The following ARHGAP26 variants were observed in gnomAD, a reference collection of about 807,000 sequenced individuals.
ARHGAP26 encodes the protein Rho GTPase activating protein 26.
A neutral mutation model predicts 104.8 loss-of-function variants in ARHGAP26; 38 were observed. That is an observed-to-expected ratio of 0.36 (90% CI 0.28 to 0.48). ARHGAP26 has a LOEUF of 0.48. Among genes scored for constraint, ARHGAP26 ranks in the 20% least tolerant of loss-of-function variants. ARHGAP26 has a pLI of 0.99. For synonymous variants in ARHGAP26, 341 were observed against 340.0 expected (o/e 1.00, Z -0.03); for missense variants, 704 against 947.9 (o/e 0.74, Z 3.38).
At position 143,041,385 on chromosome 5, in the gene ARHGAP26, G is replaced by A. The variant is rs117490166; in HGVS notation, c.1211-431G>A. ...AAATTAAAAACATTCTTACACCTCC[G>A]TATTTTCATTTTTTGTGTAAAAATA... On this transcript the variant is annotated intron_variant, in intron 13 of 22. Transcript: ENST00000645722. The A allele has an allele frequency of 2.0e-3, 343 of 167,614 alleles. 6 individuals are homozygous for A. The East Asian group carries it at 0.043, about 21-fold the overall frequency. 10.4% of individuals were successfully genotyped at this position (167,614 alleles called of 1,614,324 possible).
rs966475831 is a variant in ARHGAP26 at position 142,871,846 on chromosome 5, G to A, written c.155-1554G>A. On this transcript the variant is annotated intron_variant, in intron 1 of 22. Coordinates refer to ENST00000645722, the MANE Select transcript of ARHGAP26 (RefSeq NM_001135608.3). The surrounding 1 kb of genome is among the most constrained non-coding windows in gnomAD (Gnocchi z 4.1). ...GACCATTCTGTGAAAGTGACTGAAC[G>A]AGGGAGAGATCGGAGACTGTTGGCT... Among the ~76,000 whole-genome samples, 6 of 152,330 alleles carry A rather than the reference G, an allele frequency of 3.9e-5. No individual in the cohort carries two copies. Among genetic ancestry groups the A allele is most frequent in the Non-Finnish European group, 8.8e-5 (6 of 68,034 alleles).
chr5:143,026,439 G>A (rs1454529905), intron 12 of ARHGAP26, among the ~76,000 whole-genome samples: 3 of 152,174 alleles, frequency 2.0e-5, no homozygotes, highest in Admixed American at 2.0e-4. Context: ...AGCAGGAAAG[G>A]TCTCTCTAAA....
intron 11 of ARHGAP26, among the ~76,000 whole-genome samples, chr5:142,998,381 G>T (rs746077042): frequency 6.6e-6 from 1 of 152,148 alleles, no homozygotes; most frequent in Non-Finnish European, 1.5e-5. Flanking sequence ...GCAGCCTTTG[G>T]ATTTGTGCGT....
At chr5:142,942,297 C>G (rs1026462431) in intron 11 of ARHGAP26, among the ~76,000 whole-genome samples, 6 of 152,128 alleles carry the variant, frequency 3.9e-5, no homozygotes, top group Non-Finnish European at 8.8e-5. Context: ...TAGATACTTT[C>G]TCAGAATAAT....
chr5:143,130,473 A>G (rs1797198633), intron 18 of ARHGAP26, among the ~76,000 whole-genome samples: 1 of 152,116 alleles, frequency 6.6e-6, no homozygotes, highest in Non-Finnish European at 1.5e-5. Context: ...AAATGAGTAG[A>G]TTGTTCCAGC....
At chr5:143,150,719 T>C (rs1799747569) in intron 20 of ARHGAP26, among the ~76,000 whole-genome samples, 2 of 152,316 alleles carry the variant, frequency 1.3e-5, no homozygotes, top group East Asian at 3.9e-4. Context: ...TGGACATCCA[T>C]ATACACAAAA....
chr5:142,982,265 G>C (rs932619004), intron 11 of ARHGAP26, among the ~76,000 whole-genome samples: 4 of 152,216 alleles, frequency 2.6e-5, no homozygotes, highest in Non-Finnish European at 4.4e-5. Context: ...AGGCAAACTC[G>C]CTTTGGAGCA....
chr5:143,093,515 T>C (rs1395952275), intron 17 of ARHGAP26, among the ~76,000 whole-genome samples: 1 of 152,154 alleles, frequency 6.6e-6, no homozygotes, highest in African/African-American at 2.4e-5. Flanking sequence ...TCTTTCTTTC[T>C]CTCTTTGACT....
intron 1 of ARHGAP26, among the ~76,000 whole-genome samples, chr5:142,813,192 T>C (rs1393388504): frequency 1.3e-5 from 2 of 152,160 alleles, no homozygotes; most frequent in Non-Finnish European, 2.9e-5. Flanking sequence ...CCACCCGCCT[T>C]GGCCTCCCAG....
chr5:143,142,432 G>A lies in ARHGAP26; in HGVS notation c.1838-4799G>A, dbSNP rs144700671. Among the ~76,000 whole-genome samples, 144 of 151,916 alleles carry A rather than the reference G, an allele frequency of 9.5e-4. 2 individuals are homozygous for A. The East Asian group carries it at 0.017, about 18-fold the overall frequency. On this transcript the variant is annotated intron_variant, in intron 19 of 22. Transcript: ENST00000645722. ...TGGGATTACAAGCATGAGCCACTGC[G>A]CCCGGCCTACTTTTCAACTCAATGT...
intron 1 of ARHGAP26, among the ~76,000 whole-genome samples, chr5:142,816,791 A>G (rs796327080): frequency 2.0e-5 from 3 of 152,324 alleles, no homozygotes; most frequent in African/African-American, 7.2e-5. Flanking sequence ...AGGAAAAGAT[A>G]GGGGGAAGGT....
intron 11 of ARHGAP26, among the ~76,000 whole-genome samples, chr5:142,985,517 T>C (rs1480668916): frequency 6.6e-6 from 1 of 152,224 alleles, no homozygotes; most frequent in African/African-American, 2.4e-5. Context: ...TTTATCTTTT[T>C]TTTTTTAATT....
intron 6 of ARHGAP26, among the ~76,000 whole-genome samples, chr5:142,896,055 G>T (rs1158758233): frequency 2.0e-5 from 3 of 152,152 alleles, no homozygotes; most frequent in African/African-American, 7.2e-5. Flanking sequence ...TTTCCACAGG[G>T]TCTGTTAGGT....
At chr5:143,041,761 C>A in intron 13 of ARHGAP26, 55 bp from the exon 14 acceptor site, 1 of 1,349,838 alleles carries the variant, frequency 7.4e-7, no homozygotes, top group Non-Finnish European at 1.0e-6. Context: ...GCTGGATTGG[C>A]CTGACTTGTG....
chr5:142,960,566 A>G (rs1239058645), intron 11 of ARHGAP26, among the ~76,000 whole-genome samples: 2 of 152,254 alleles, frequency 1.3e-5, no homozygotes, highest in Non-Finnish European at 2.9e-5. Context: ...GTTTAGTACT[A>G]TCTGAGGTTT....
At position 143,228,863 on chromosome 5, in the gene ARHGAP26, C is replaced by A. The variant is rs2151448876; in HGVS notation, c.*6417C>A. ...CTTTTAAAAAATGCTTTTGTGTCACCAAATATATCTATAAAGAAAACAAAA... is the reference window on the plus strand; with the variant it reads ...CTTTTAAAAAATGCTTTTGTGTCACAAAATATATCTATAAAGAAAACAAAA... On this transcript the variant is annotated 3_prime_UTR_variant, in exon 23 of 23. Coordinates refer to ENST00000645722, the MANE Select transcript of ARHGAP26 (RefSeq NM_001135608.3). 5.3e-6 allele frequency: 1 copy of A among 189,114 alleles called. No individual in the cohort carries two copies. Among genetic ancestry groups the A allele is most frequent in the East Asian group, 8.4e-5 (1 of 11,880 alleles). 11.7% of individuals were successfully genotyped at this position (189,114 alleles called of 1,614,324 possible). A position where few individuals can be genotyped will look rare whatever the true frequency, so the allele number is the denominator to read the frequency against.
intron 9 of ARHGAP26, among the ~76,000 whole-genome samples, chr5:142,911,749 G>T (rs950625663): frequency 6.6e-6 from 1 of 152,170 alleles, no homozygotes; most frequent in African/African-American, 2.4e-5. Flanking sequence ...CTTTCAAAGT[G>T]GAAGCTGGTC....
At chr5:143,136,531 G>A (rs1282921967) in intron 19 of ARHGAP26, among the ~76,000 whole-genome samples, 1 of 152,148 alleles carries the variant, frequency 6.6e-6, no homozygotes, top group Admixed American at 6.5e-5. Flanking sequence ...ATTTATATGG[G>A]TGTCTGTGTG....
intron 11 of ARHGAP26, 99 bp from the exon 12 acceptor site, chr5:143,013,981 G>A: frequency 8.2e-7 from 1 of 1,212,512 alleles, no homozygotes; most frequent in Non-Finnish European, 1.2e-6. Context: ...CCACTTCATG[G>A]TGCAAACTAG....
Sources: gnomAD v4.1 joint callset for allele counts (sites outside exome capture counted in the v4.1 genomes callset) on GRCh38, gnomAD v4.1.1 for gene constraint, Gnocchi (gnomAD v3.1) non-coding constraint, MANE v1.5 for transcripts, NCBI Gene and HGNC (gene_info 2026-07-23, HGNC 2026-07-21) for gene names.